The following GFPT2 variants were observed in gnomAD, a reference collection of about 807,000 sequenced individuals.
GFPT2 encodes the protein glutamine--fructose-6-phosphate transaminase 2.
GFPT2 carries 62 observed loss-of-function variants against 85.6 expected under a neutral mutation model. The observed-to-expected ratio is 0.72, with a 90% CI of 0.59 to 0.90. The LOEUF is 0.90. Among genes scored for constraint, GFPT2 ranks in the 40% least tolerant of loss-of-function variants. The pLI is 0.00. For missense variants in GFPT2, 788 were observed against 893.4 expected, an observed-to-expected ratio of 0.88 and a Z score of 1.50; for synonymous variants, 368 against 344.5, an observed-to-expected ratio of 1.07 and a Z score of -0.75.
chr5:180,334,340 C>A (rs1244878079), intron 4 of GFPT2, among the ~76,000 whole-genome samples: 1 of 152,170 alleles, frequency 6.6e-6, no homozygotes, highest in African/African-American at 2.4e-5. Context: ...TGAGGCCCTG[C>A]AGAGTGCTCT....
At chr5:180,316,576 G>A (rs1390163435) in intron 12 of GFPT2, 115 bp from the exon 13 acceptor site, 25 of 1,230,408 alleles carry the variant, frequency 2.0e-5, no homozygotes, top group Middle Eastern at 2.1e-4. Flanking sequence ...TCCAGGTGGC[G>A]AGGGGACTTC....
At position 180,323,366 on chromosome 5, in the gene GFPT2, C is replaced by CCCTGCCT. The variant is rs1764157753; in HGVS notation, c.794+815_794+821dup. ...CCCAGGAGACCCGGCCTGGTGTCCTCCCTGCCTCACAGCACGGCCCTATTA... is the reference window on the plus strand; with the variant it reads ...CCCAGGAGACCCGGCCTGGTGTCCTCCCTGCCTCCTGCCTCACAGCACGGCCCTATTA... On this transcript the variant is annotated intron_variant, in intron 9 of 18. Transcript: ENST00000253778. The surrounding 1 kb of genome is among the most constrained non-coding windows in gnomAD (Gnocchi z 4.0). Among the ~76,000 whole-genome samples, 1 of 152,138 alleles carries CCCTGCCT rather than the reference C, an allele frequency of 6.6e-6. No individual in the cohort carries two copies. Among genetic ancestry groups the CCCTGCCT allele is most frequent in the Non-Finnish European group, 1.5e-5 (1 of 68,030 alleles).
intron 9 of GFPT2, among the ~76,000 whole-genome samples, chr5:180,319,446 T>G (rs531645815): frequency 1.3e-5 from 2 of 152,346 alleles, no homozygotes; most frequent in African/African-American, 4.8e-5. Context: ...CTCGCCTTTC[T>G]AAACAATCTG....
chr5:180,329,848 C>T (rs764399167), intron 6 of GFPT2, among the ~76,000 whole-genome samples: 3 of 152,232 alleles, frequency 2.0e-5, no homozygotes, highest in Non-Finnish European at 4.4e-5. Flanking sequence ...GGGCCTGTGT[C>T]TGCTCCACCT....
At position 180,330,553 on chromosome 5, in the gene GFPT2, G is replaced by T; in HGVS notation, c.534+147C>A. The T allele has an allele frequency of 1.6e-6, 1 of 637,526 alleles. No homozygotes were observed. Among genetic ancestry groups the T allele is most frequent in the Non-Finnish European group, 2.7e-6 (1 of 366,240 alleles). 39.5% of individuals were successfully genotyped at this position (637,526 alleles called of 1,614,324 possible). ...TCTTAAGGCCAGGCTCTGCAGATGG[G>T]CTGTCTTTTATCCCCAGGACTCTGT... On this transcript the variant is annotated intron_variant, in intron 6 of 18. Transcript: ENST00000253778. The surrounding 1 kb of genome is among the most constrained non-coding windows in gnomAD (Gnocchi z 4.4).
At chr5:180,346,191 T>C (rs1280662457) in intron 1 of GFPT2, among the ~76,000 whole-genome samples, 2 of 152,130 alleles carry the variant, frequency 1.3e-5, no homozygotes, top group South Asian at 2.1e-4. Flanking sequence ...GGGATAGAGA[T>C]GGCATCGGAG....
At chr5:180,317,490 T>C (rs1458126424) in intron 10 of GFPT2, among the ~76,000 whole-genome samples, 2 of 151,678 alleles carry the variant, frequency 1.3e-5, no homozygotes, top group East Asian at 1.9e-4. Context: ...CCGGGCGCAG[T>C]GGCTCACGCC....
At chr5:180,315,361 G>T (rs1763986680) in intron 13 of GFPT2, among the ~76,000 whole-genome samples, 1 of 152,130 alleles carries the variant, frequency 6.6e-6, no homozygotes, top group South Asian at 2.1e-4. Context: ...TATATTTTTA[G>T]TAGAGACGGG....
At chr5:180,351,750 T>C (rs369347603) in intron 1 of GFPT2, among the ~76,000 whole-genome samples, 8 of 152,014 alleles carry the variant, frequency 5.3e-5, no homozygotes, top group African/African-American at 1.4e-4. Flanking sequence ...TCAGAGAGAC[T>C]TGGGAAAAAG....
At chr5:180,337,453 GAA>G (rs35211599) in intron 2 of GFPT2, among the ~76,000 whole-genome samples, 6 of 99,392 alleles carry the variant, frequency 6.0e-5, no homozygotes, top group Admixed American at 1.1e-4. Context: ...ACTCCATCTC[GAA>G]AAAAAAAAAA....
At chr5:180,305,764 G>A (rs1014020576) in intron 16 of GFPT2, among the ~76,000 whole-genome samples, 4 of 152,104 alleles carry the variant, frequency 2.6e-5, no homozygotes, top group Non-Finnish European at 5.9e-5. Context: ...GAGTCATCTG[G>A]GGACTGACAG....
chr5:180,318,953 A>G lies in GFPT2; in HGVS notation c.798T>C (p.Ala266=). 1 of 1,612,234 alleles carries G rather than the reference A, an allele frequency of 6.2e-7. No homozygotes were observed. Among genetic ancestry groups the G allele is most frequent in the African/African-American group, 1.3e-5 (1 of 75,046 alleles). ...VEFFFASDAS[A]IIEHTNRVIF... ...TGACCCGGTTGGTGTGCTCTATGAT[A>G]GCGCTGGGGCAAGGGAAACAGGCAT... Residue 266 remains alanine, a synonymous_variant, in exon 10 of 19, where the codon GCT becomes GCC. Coordinates refer to ENST00000253778, the MANE Select transcript of GFPT2 (RefSeq NM_005110.4). The surrounding 1 kb of genome is among the most constrained non-coding windows in gnomAD (Gnocchi z 4.2).
chr5:180,307,908 C>A (rs1170923906), intron 15 of GFPT2, among the ~76,000 whole-genome samples: 1 of 152,134 alleles, frequency 6.6e-6, no homozygotes, highest in Non-Finnish European at 1.5e-5. Context: ...GTCAGGAGAT[C>A]GAGACCATCC....
At chr5:180,307,358 T>C (rs1763803080) in intron 15 of GFPT2, 55 bp from the exon 16 acceptor site, 2 of 1,586,572 alleles carry the variant, frequency 1.3e-6, no homozygotes, top group South Asian at 1.1e-5. Context: ...TTTAAAGCAA[T>C]ATTCATGAAG....
rs540500327 is a variant in GFPT2 at position 180,318,314 on chromosome 5, G to A, written c.958+479C>T. On this transcript the variant is annotated intron_variant, in intron 10 of 18. Coordinates refer to ENST00000253778, the MANE Select transcript of GFPT2 (RefSeq NM_005110.4). The surrounding 1 kb of genome is among the most constrained non-coding windows in gnomAD (Gnocchi z 4.2). ...AACCATTGGAGGGCCTTGAGCAGCG[G>A]GATGATCACAGGGGCTGATTCATGT... is the stretch of plus-strand genomic sequence containing the variant. Among the ~76,000 whole-genome samples the A allele has an allele frequency of 9.9e-5, 15 of 152,196 alleles. No individual in the cohort carries two copies. Among genetic ancestry groups the A allele is most frequent in the Admixed American group, 8.5e-4 (13 of 15,298 alleles).
chr5:180,346,401 C>A (rs986551642), intron 1 of GFPT2, among the ~76,000 whole-genome samples: 12 of 152,196 alleles, frequency 7.9e-5, no homozygotes, highest in Non-Finnish European at 1.5e-5. Flanking sequence ...GTGCTGCCCC[C>A]TGAGAGCCAA....
chr5:180,304,568 C>T (rs934447507), intron 17 of GFPT2, among the ~76,000 whole-genome samples: 6 of 152,234 alleles, frequency 3.9e-5, no homozygotes, highest in African/African-American at 1.4e-4. Context: ...CTGGGCCCCA[C>T]CAAAGAGCTG....
At chr5:180,315,716 G>A (rs1391476416) in intron 13 of GFPT2, among the ~76,000 whole-genome samples, 1 of 152,224 alleles carries the variant, frequency 6.6e-6, no homozygotes, top group East Asian at 1.9e-4. Flanking sequence ...TCTTCCACGA[G>A]CTCAAGGAGA....
chr5:180,325,062 G>A (rs1052034070), intron 7 of GFPT2, among the ~76,000 whole-genome samples, 167 bp from the exon 8 acceptor site: 2 of 152,280 alleles, frequency 1.3e-5, no homozygotes, highest in South Asian at 2.1e-4. Context: ...GGAAAGGCCA[G>A]CTCCTGAGTC....
Sources: allele counts gnomAD v4.1 joint callset (sites outside exome capture counted in the v4.1 genomes callset), GRCh38; gene constraint gnomAD v4.1.1; non-coding constraint Gnocchi (gnomAD v3.1); transcripts MANE v1.5; gene names NCBI Gene and HGNC (gene_info 2026-07-23, HGNC 2026-07-21).